The following HP variants were observed in gnomAD, a reference collection of about 807,000 sequenced individuals.
HP encodes the protein haptoglobin, also known as haptoglobin alpha(1S)-beta.
In HP, 9 loss-of-function variants were observed where a neutral mutation model predicts 23.2. That is an observed-to-expected ratio of 0.39 (90% CI 0.23 to 0.68). The LOEUF (loss-of-function observed/expected upper bound fraction) is 0.68, where lower values mean the gene tolerates loss of function less well. Ranked by LOEUF, HP falls within the 30% of genes least tolerant of loss-of-function variation. HP has a pLI of 0.47. For missense variants in HP, 433 were observed against 483.6 expected, an observed-to-expected ratio of 0.90 and a Z score of 0.98; for synonymous variants, 155 against 183.3, an observed-to-expected ratio of 0.85 and a Z score of 1.25.
At position 72,060,904 on chromosome 16, in the gene HP, G is replaced by T. The variant is rs368140185; in HGVS notation, c.*14G>T. ...GCTGAGAACTAATGCAAGGCTGGCC[G>T]GAAGCCCTTGCCTGAAAGCAAGATT... On this transcript the variant is annotated 3_prime_UTR_variant, in exon 7 of 7. Coordinates refer to ENST00000355906, the MANE Select transcript of HP (RefSeq NM_005143.5). 6.4e-7 allele frequency: 1 copy of T among 1,550,452 alleles called. No homozygotes were observed. Among genetic ancestry groups the T allele is most frequent in the African/African-American group, 1.4e-5 (1 of 73,188 alleles).
In HP at chr16:72,060,510, G is replaced by A; in HGVS notation, c.841G>A (p.Val281Ile). The A allele has an allele frequency of 6.2e-7, 1 of 1,614,186 alleles. No homozygotes were observed. The highest frequency in any genetic ancestry group is 2.2e-5 in the East Asian group (1 of 44,844). ...TGCAGAAGTAGGGCGTGTGGGTTAT[G>A]TTTCTGGCTGGGGGCGAAATGCCAA... ...DYAEVGRVGY[V>I]SGWGRNANFK... The change falls in exon 7 of 7, where the codon GTT becomes ATT. Residue 281 changes from valine (V) to isoleucine (I), a missense_variant. Around this residue, in one of 3 missense-constraint regions of HP, gnomAD observed 326 missense variants for 358.1 expected, o/e 0.91. Coordinates refer to ENST00000355906, the MANE Select transcript of HP (RefSeq NM_005143.5).
chr16:72,059,066 G>A (rs765893622), intron 5 of HP, 48 bp from the exon 6 acceptor site: 4 of 1,515,972 alleles, frequency 2.6e-6, no homozygotes, highest in East Asian at 2.2e-5. Context: ...TCTGCACGGG[G>A]TCTAGACTTG....
rs370924206 is a variant in HP, at chr16:72,060,902, C to T, written c.*12C>T. ...TAGCTGAGAACTAATGCAAGGCTGG[C>T]CGGAAGCCCTTGCCTGAAAGCAAGA... On this transcript the variant is annotated 3_prime_UTR_variant, in exon 7 of 7. Transcript: ENST00000355906. The T allele has an allele frequency of 1.9e-6, 3 of 1,552,182 alleles. No individual in the cohort carries two copies. The highest frequency in any genetic ancestry group is 2.6e-6 in the Non-Finnish European group (3 of 1,149,764).
Position 72,060,978 on chromosome 16 carries a change from G to A in HP, c.*88G>A, listed in dbSNP as rs1398729035. 8 of 1,464,284 alleles carry A rather than the reference G, an allele frequency of 5.5e-6. No homozygotes were observed. Among genetic ancestry groups the A allele is most frequent in the East Asian group, 2.3e-5 (1 of 43,358 alleles). The allele number at this position is 1,464,284 out of a possible 1,614,324, so 90.7% of individuals were successfully genotyped here. A position where few individuals can be genotyped will look rare whatever the true frequency, so the allele number is the denominator to read the frequency against. ...GACGGGAGTGGACAGGAGTGGATGC[G>A]ATAAGATGTGGTTTGAAGCTGATGG... On this transcript the variant is annotated 3_prime_UTR_variant, in exon 7 of 7. Transcript: ENST00000355906.
At chr16:72,055,177 G>A (rs1049812134) in intron 1 of HP, 1 of 177,366 alleles carries the variant, frequency 5.6e-6, no homozygotes, top group Non-Finnish European at 1.2e-5. Flanking sequence ...GTCTCGCTTT[G>A]TCACCAGGCT....
chr16:72,059,479 G>A, intron 6 of HP: 1 of 479,834 alleles, frequency 2.1e-6, no homozygotes, highest in African/African-American at 1.9e-5. Context: ...CTGGGTCTAA[G>A]GAGAAGCAAG....
chr16:72,059,937 A>G, intron 6 of HP, 175 bp from the exon 7 acceptor site: 2 of 1,382,224 alleles, frequency 1.4e-6, no homozygotes, highest in Non-Finnish European at 1.9e-6. Context: ...AATTTAAAAA[A>G]CAGAATTATT....
At position 72,060,756 on chromosome 16, in the gene HP, G is replaced by C; in HGVS notation, c.1087G>C (p.Asp363His). 1 of 1,614,132 alleles carries C rather than the reference G, an allele frequency of 6.2e-7. No homozygotes were observed. Among genetic ancestry groups the C allele is most frequent in the East Asian group, 2.2e-5 (1 of 44,852 alleles). The change falls in exon 7 of 7, where the codon GAC becomes CAC. Residue 363 changes from aspartate to histidine, a missense_variant. Physicochemically the swap from Asp to His is moderately conservative, Grantham distance 81 (BLOSUM62 -1). Around this residue, in one of 3 missense-constraint regions of HP, gnomAD observed 326 missense variants for 358.1 expected, o/e 0.91. Transcript: ENST00000355906. Reference sequence around the variant, plus strand: ...TGCGGGCAGTGCCTTTGCCGTTCACGACCTGGAGGAGGACACCTGGTATGC... The same window carrying C: ...TGCGGGCAGTGCCTTTGCCGTTCACCACCTGGAGGAGGACACCTGGTATGC... ...GDAGSAFAVH[D>H]LEEDTWYATG...
intron 4 of HP, chr16:72,057,751 G>A: frequency 2.3e-6 from 1 of 426,914 alleles, no homozygotes; most frequent in East Asian, 4.0e-5. Flanking sequence ...CTGCTAGAAA[G>A]CCCTGGGTCT....
At chr16:72,059,440 T>A in intron 6 of HP, 1 of 602,008 alleles carries the variant, frequency 1.7e-6, no homozygotes, top group Non-Finnish European at 2.9e-6. Flanking sequence ...TAGGAGAGCC[T>A]GTGCATACAG....
chr16:72,060,525 C>T lies in HP; in HGVS notation c.856C>T (p.Arg286Ter), dbSNP rs758923371. 15 of 1,613,966 alleles carry T rather than the reference C, an allele frequency of 9.3e-6. No individual in the cohort carries two copies. The highest frequency in any genetic ancestry group is 3.3e-5 in the Admixed American group (2 of 60,002). Residue 286 changes from arginine to a stop codon, truncating the protein, a stop_gained, in exon 7 of 7, where the codon CGA becomes TGA. Transcript: ENST00000355906. LOFTEE classifies it high-confidence loss of function. ...TGTGGGTTATGTTTCTGGCTGGGGG[C>T]GAAATGCCAATTTTAAATTTACTGA... ...GRVGYVSGWGRNANFKFTDHL... is the reference protein window; with the variant it reads ...GRVGYVSGWG
At chr16:72,056,070 T>TGTGTGTGTACATGC in intron 1 of HP, 91 bp from the exon 2 acceptor site, 1 of 1,516,142 alleles carries the variant, frequency 6.6e-7, no homozygotes, top group South Asian at 1.1e-5. Flanking sequence ...TGTGTGTGTG[T>TGTGTGTGTACATGC]GTGTGTGTAC....
In HP at chr16:72,059,093, A is replaced by T. The variant is rs1264570971; in HGVS notation, c.368-21A>T. On this transcript the variant is annotated intron_variant, in intron 5 of 6. Transcript: ENST00000355906. ...CTAGACTTGACTTCTCCTTTGGCTC[A>T]CTTCTTGCCTTTTGTTTCAGGAGTG... 4 of 1,560,994 alleles carry T rather than the reference A, an allele frequency of 2.6e-6. 1 individual carries two copies. The highest frequency in any genetic ancestry group is 2.6e-6 in the Non-Finnish European group (3 of 1,145,356).
chr16:72,059,324 A>G (rs2041503409), intron 6 of HP, 136 bp downstream of exon 6: 1 of 1,260,090 alleles, frequency 7.9e-7, no homozygotes, highest in Admixed American at 2.0e-5. Context: ...CTGGCCAGGG[A>G]GAGACTTAAG....
Position 72,060,610 on chromosome 16 carries a change from A to G in HP, c.941A>G (p.Glu314Gly), listed in dbSNP as rs756822839. 6.2e-7 allele frequency: 1 copy of G among 1,614,176 alleles called. No individual in the cohort carries two copies. Among genetic ancestry groups the G allele is most frequent in the South Asian group, 1.1e-5 (1 of 91,088 alleles). ...ADQDQCIRHY[E>G]GSTVPEKKTP... The stretch of plus-strand genomic sequence containing the variant: ...CAAGACCAATGCATAAGGCATTATG[A>G]AGGCAGCACAGTCCCCGAAAAGAAG... The change falls in exon 7 of 7, where the codon GAA becomes GGA. Residue 314 changes from glutamate to glycine, a missense_variant. Transcript: ENST00000355906.
In HP at chr16:72,059,068, C is replaced by A. The variant is rs142139335; in HGVS notation, c.368-46C>A. ...AATGCCTTCTCACTCTGCACGGGGT[C>A]TAGACTTGACTTCTCCTTTGGCTCA... On this transcript the variant is annotated intron_variant, in intron 5 of 6. Transcript: ENST00000355906. 1.9e-4 allele frequency: 289 copies of A among 1,525,732 alleles called. 52 individuals are homozygous for A. The highest frequency in any genetic ancestry group is 1.1e-3 in the African/African-American group (72 of 62,792). The allele number at this position is 1,525,732 out of a possible 1,614,324, so 94.5% of individuals were successfully genotyped here.
intron 5 of HP, chr16:72,058,745 T>A (rs1425349043): frequency 3.1e-6 from 1 of 324,296 alleles, no homozygotes; most frequent in Non-Finnish European, 5.6e-6. Context: ...ACAGTATCCC[T>A]CTGAACAGAG....
rs1325417162 is a variant in HP, at chr16:72,060,632, G to C, written c.963G>C (p.Lys321Asn). 3.1e-6 allele frequency: 5 copies of C among 1,614,084 alleles called. No homozygotes were observed. Among genetic ancestry groups the C allele is most frequent in the Non-Finnish European group, 4.2e-6 (5 of 1,180,052 alleles). Residue 321 changes from lysine (K) to asparagine (N), a missense_variant, in exon 7 of 7, where the codon AAG (lysine) becomes AAC (asparagine). Lys to Asn is a moderately conservative substitution (Grantham distance 94). Coordinates refer to ENST00000355906, the MANE Select transcript of HP (RefSeq NM_005143.5). ...RHYEGSTVPE[K>N]KTPKSPVGVQ... ...ATGAAGGCAGCACAGTCCCCGAAAA[G>C]AAGACACCGAAGAGCCCTGTAGGGG...
At chr16:72,056,369 TG>T in intron 2 of HP, 126 bp downstream of exon 2, 1 of 1,562,054 alleles carries the variant, frequency 6.4e-7, no homozygotes. Context: ...TAAAGAACAT[TG>T]GGGTTCCTGC....
Sources: gnomAD v4.1 joint callset for allele counts on GRCh38, gnomAD v4.1.1 for gene constraint, gnomAD v4.1.1 regional missense constraint, MANE v1.5 for transcripts, NCBI Gene and HGNC (gene_info 2026-07-23, HGNC 2026-07-21) for gene names.